The following DAB1 variants were observed in gnomAD, a reference collection of about 807,000 sequenced individuals.
DAB1 encodes DAB adaptor protein 1, also known as disabled homolog 1.
In DAB1, 15 loss-of-function variants were observed where a neutral mutation model predicts 64.6. The observed-to-expected ratio is 0.23, with a 90% CI of 0.16 to 0.36. DAB1 has a LOEUF of 0.36. DAB1 is among the 10% of genes least tolerant of loss of function. The probability of loss-of-function intolerance (pLI) is 1.00; values close to 1 mark genes in which losing one functional copy is unlikely to be tolerated. For missense variants in DAB1, 596 were observed against 706.7 expected (o/e 0.84, Z 1.78); for synonymous variants, 235 against 251.9 (o/e 0.93, Z 0.64).
At chr1:58,496,492 G>C (rs1247813883) in intron 3 of DAB1, among the ~76,000 whole-genome samples, 1 of 152,078 alleles carries the variant, frequency 6.6e-6, no homozygotes, top group African/African-American at 2.4e-5. Context: ...TTTGACTTGA[G>C]ATTTGGTTTT....
At chr1:57,751,443 AC>A (rs1411233623) in intron 6 of DAB1, among the ~76,000 whole-genome samples, 14 of 151,966 alleles carry the variant, frequency 9.2e-5, no homozygotes, top group Non-Finnish European at 2.1e-4. Flanking sequence ...GGGGGATGCT[AC>A]CTCTCAGCCA....
chr1:57,226,932 C>T (rs894443432), intron 2 of DAB1, among the ~76,000 whole-genome samples: 1 of 151,790 alleles, frequency 6.6e-6, no homozygotes, highest in Non-Finnish European at 1.5e-5. Flanking sequence ...AAACCCAGCA[C>T]TTTGGGAGGC....
At chr1:57,238,860 TAC>T (rs1281270538) in intron 2 of DAB1, among the ~76,000 whole-genome samples, 8,881 of 133,894 alleles carry the variant, frequency 0.066, 329 homozygotes, top group Non-Finnish European at 0.079. Context: ...CACACACACA[TAC>T]ACACACACAC....
rs535716544 is a variant in DAB1, at chr1:56,996,548, G to A, written c.*1596C>T. 3.3e-5 allele frequency: 5 copies of A among 152,286 alleles called. No homozygotes were observed. Among genetic ancestry groups the A allele is most frequent in the South Asian group, 2.1e-4 (1 of 4,824 alleles). 9.4% of individuals were successfully genotyped at this position (152,286 alleles called of 1,614,324 possible). ...TACAAACAGTCCAGTGATTTATATC[G>A]GGGGTAGGTGGGAGTGGGGAGGTGG... On this transcript the variant is annotated 3_prime_UTR_variant, in exon 15 of 15. Coordinates refer to ENST00000371236, the MANE Select transcript of DAB1 (RefSeq NM_001365792.1).
intron 1 of DAB1, among the ~76,000 whole-genome samples, chr1:57,303,672 C>CA (rs149398650): frequency 0.04 from 5,953 of 148,754 alleles, 267 homozygotes; most frequent in African/African-American, 0.11. Context: ...AACAAACAAA[C>CA]AAAAAAAAAC....
chr1:57,536,841 G>A (rs2101435519), intron 7 of DAB1, among the ~76,000 whole-genome samples: 1 of 151,950 alleles, frequency 6.6e-6, no homozygotes, highest in African/African-American at 2.4e-5. Context: ...CTGTTCCCAT[G>A]GTTCCCATAG....
At chr1:57,061,818 G>A (rs571944430) in intron 9 of DAB1, among the ~76,000 whole-genome samples, 138 of 152,194 alleles carry the variant, frequency 9.1e-4, no homozygotes, top group Admixed American at 2.2e-3. Context: ...TCACAGTGTG[G>A]GGTCCAGAAC....
At chr1:57,542,182 T>G (rs532915136) in intron 7 of DAB1, among the ~76,000 whole-genome samples, 38 of 152,240 alleles carry the variant, frequency 2.5e-4, no homozygotes, top group Non-Finnish European at 2.9e-4. Context: ...GTATAATAAA[T>G]GTTACACTTT....
chr1:57,210,975 C>A (rs544330911), intron 2 of DAB1, among the ~76,000 whole-genome samples: 1 of 152,308 alleles, frequency 6.6e-6, no homozygotes, highest in South Asian at 2.1e-4. Flanking sequence ...CCATTCTAAT[C>A]TGGTATTGAT....
At chr1:57,498,891 G>A (rs879323741) in intron 7 of DAB1, among the ~76,000 whole-genome samples, 2 of 152,176 alleles carry the variant, frequency 1.3e-5, no homozygotes, top group Non-Finnish European at 1.5e-5. Context: ...TGAACGAATT[G>A]GTTTTGGCAA....
At chr1:58,544,021 G>A (rs943992660) in intron 1 of DAB1, among the ~76,000 whole-genome samples, 1 of 152,186 alleles carries the variant, frequency 6.6e-6, no homozygotes, top group Non-Finnish European at 1.5e-5. Context: ...CCAGGCAAGT[G>A]AATATCAGCA....
chr1:57,525,478 T>C (rs1644580217), intron 7 of DAB1, among the ~76,000 whole-genome samples: 1 of 151,138 alleles, frequency 6.6e-6, no homozygotes, highest in South Asian at 2.1e-4. Flanking sequence ...CTAGGAAAAA[T>C]GAAAATCTGT....
chr1:57,695,275 A>AG lies in DAB1; in HGVS notation n.552-45611dup, dbSNP rs1181642705. 3.9e-4 allele frequency among the ~76,000 whole-genome samples: 55 copies of AG among 139,404 alleles called. 4 individuals are homozygous for AG. Among genetic ancestry groups the AG allele is most frequent in the African/African-American group, 9.5e-4 (35 of 36,902 alleles). The allele number at this position is 139,404 out of a possible 152,430, so 91.5% of individuals were successfully genotyped here. ...AAAGAAAGAAGGAAGGAAGGAAGGA[A>AG]GGAAGGAAGAAAGGGAGAGAGAAGG... On this transcript the variant is annotated intron_variant and non_coding_transcript_variant, in intron 6 of 20. Coordinates refer to the DAB1 transcript ENST00000485760.
intron 4 of DAB1, among the ~76,000 whole-genome samples, chr1:58,284,860 A>G (rs1661646930): frequency 1.3e-5 from 2 of 152,258 alleles, no homozygotes; most frequent in East Asian, 3.8e-4. Flanking sequence ...AGCTTGTTCT[A>G]GAGGGTACAC....
intron 1 of DAB1, chr1:57,860,863 A>G (rs1424326818): frequency 6.6e-6 from 1 of 152,184 alleles, no homozygotes; most frequent in East Asian, 1.9e-4. Context: ...ACCTATTCCA[A>G]CTGGAGATGG....
chr1:58,136,398 T>C (rs1017904304), intron 5 of DAB1, among the ~76,000 whole-genome samples: 1 of 152,152 alleles, frequency 6.6e-6, no homozygotes, highest in Non-Finnish European at 1.5e-5. Context: ...ACCAGCCCCA[T>C]GTCCACAGCC....
chr1:57,907,912 AAT>A lies in DAB1; in HGVS notation n.388-23752_388-23751del, dbSNP rs1166257369. ...ATTAATAACATTGTTATATATATAT[AAT>A]ATATATATACACACACACACACACA... On this transcript the variant is annotated intron_variant and non_coding_transcript_variant, in intron 5 of 20. Coordinates refer to the DAB1 transcript ENST00000485760. 1.3e-3 allele frequency among the ~76,000 whole-genome samples: 172 copies of A among 133,944 alleles called. 1 individual carries two copies. In the South Asian group the frequency reaches 0.022, roughly 17 times the overall value. The allele number at this position is 133,944 out of a possible 152,430, so 87.9% of individuals were successfully genotyped here.
At chr1:58,089,305 G>A (rs969666634) in intron 5 of DAB1, among the ~76,000 whole-genome samples, 1 of 152,236 alleles carries the variant, frequency 6.6e-6, no homozygotes, top group African/African-American at 2.4e-5. Context: ...TTGTTGCAAG[G>A]GTTAAATGAG....
chr1:57,895,066 G>T (rs2101987191), intron 5 of DAB1, among the ~76,000 whole-genome samples: 1 of 151,312 alleles, frequency 6.6e-6, no homozygotes, highest in Non-Finnish European at 1.5e-5. Context: ...ATGCACAGTA[G>T]CCCTTTGAAA....
Sources: gnomAD v4.1 joint callset for allele counts (sites outside exome capture counted in the v4.1 genomes callset) on GRCh38, gnomAD v4.1.1 for gene constraint, MANE v1.5 for transcripts, NCBI Gene and HGNC (gene_info 2026-07-23, HGNC 2026-07-21) for gene names.